Variants in NBEA observed in about 807,000 individuals in gnomAD.
NBEA encodes the protein lysosomal-trafficking regulator 2.
A neutral mutation model predicts 343.4 loss-of-function variants in NBEA; 44 were observed. The ratio of observed to expected loss-of-function variants is 0.13; its 90% confidence interval spans 0.10 to 0.16. NBEA has a LOEUF of 0.16. Ranked by LOEUF, NBEA falls within the 10% of genes least tolerant of loss-of-function variation. The probability of loss-of-function intolerance (pLI) is 1.00; values close to 1 mark genes in which losing one functional copy is unlikely to be tolerated. For synonymous variants in NBEA, 1,175 were observed against 1,238.7 expected (o/e 0.95, Z 1.08); for missense variants, 2,555 against 3,631.3 (o/e 0.70, Z 7.62).
chr13:35,257,641 TG>T (rs1465809875), intron 34 of NBEA, among the ~76,000 whole-genome samples: 1 of 151,852 alleles, frequency 6.6e-6, no homozygotes, highest in Non-Finnish European at 1.5e-5. Flanking sequence ...AATAATCTAA[TG>T]AAAAAAATAT....
At chr13:35,352,086 T>G (rs927754156) in intron 37 of NBEA, 71 bp from the exon 38 acceptor site, 17 of 951,920 alleles carry the variant, frequency 1.8e-5, no homozygotes, top group Non-Finnish European at 2.4e-5. Flanking sequence ...CCGTTTAACT[T>G]AAATGTATAT....
intron 51 of NBEA, among the ~76,000 whole-genome samples, chr13:35,648,647 C>G (rs555230245): frequency 3.9e-5 from 6 of 152,208 alleles, no homozygotes; most frequent in African/African-American, 1.4e-4. Context: ...TACTGCAAAC[C>G]ATTAAGAAAC....
chr13:35,120,853 G>A (rs2066756509), intron 16 of NBEA, among the ~76,000 whole-genome samples: 1 of 152,272 alleles, frequency 6.6e-6, no homozygotes, highest in South Asian at 2.1e-4. Flanking sequence ...TAGTAATAAT[G>A]TATATTACAA....
At chr13:35,310,484 G>A (rs988921692) in intron 36 of NBEA, among the ~76,000 whole-genome samples, 1 of 152,088 alleles carries the variant, frequency 6.6e-6, no homozygotes, top group African/African-American at 2.4e-5. Context: ...CACGCTTTGC[G>A]GGCATGGCTG....
chr13:35,638,986 A>G (rs895742372), intron 49 of NBEA, among the ~76,000 whole-genome samples: 3 of 152,222 alleles, frequency 2.0e-5, no homozygotes, highest in African/African-American at 7.2e-5. Context: ...AAAGAAACCA[A>G]GAATTAAGGC....
intron 11 of NBEA, among the ~76,000 whole-genome samples, chr13:35,105,090 C>T (rs1424741625): frequency 1.3e-5 from 2 of 151,866 alleles, no homozygotes; most frequent in Non-Finnish European, 2.9e-5. Context: ...TTTAGCATAA[C>T]CCAAAGAGAA....
At chr13:35,066,593 A>G (rs913989349) in intron 8 of NBEA, among the ~76,000 whole-genome samples, 1 of 151,860 alleles carries the variant, frequency 6.6e-6, no homozygotes, top group African/African-American at 2.4e-5. Context: ...ATTTTGTCCG[A>G]TATTAGCACA....
In NBEA at chr13:35,637,181, G is replaced by A. The variant is rs117573475; in HGVS notation, c.7618-8688G>A. ...AAGACTCCAAAGAAGACATACACAT[G>A]ACCAACAAGTATGTGCCAGCATCAT... is the stretch of plus-strand genomic sequence containing the variant. On this transcript the variant is annotated intron_variant, in intron 49 of 58. Coordinates refer to ENST00000379939, the MANE Select transcript of NBEA (RefSeq NM_001385012.1). Among the ~76,000 whole-genome samples, 8 of 152,246 alleles carry A rather than the reference G, an allele frequency of 5.3e-5. No individual in the cohort carries two copies. The East Asian group carries it at 1.4e-3, about 26-fold the overall frequency.
intron 54 of NBEA, among the ~76,000 whole-genome samples, 165 bp downstream of exon 54, chr13:35,655,175 CT>C (rs1487023298): frequency 6.6e-6 from 1 of 152,170 alleles, no homozygotes; most frequent in Non-Finnish European, 1.5e-5. Context: ...CTAACTATAA[CT>C]TCATGTATTC....
intron 23 of NBEA, among the ~76,000 whole-genome samples, chr13:35,163,938 T>C (rs1198686828): frequency 6.6e-6 from 1 of 152,110 alleles, no homozygotes; most frequent in Non-Finnish European, 1.5e-5. Context: ...ATTTTATTTA[T>C]GGTTATGAAA....
rs75824795 is a variant in NBEA, at chr13:35,365,031, A to G, written c.6179+12708A>G. ...TAAAAGCACTTAGTGATGTAGATCA[A>G]TAATGATTGGATGGGTCAGCACCAA... On this transcript the variant is annotated intron_variant, in intron 38 of 58. Transcript: ENST00000379939. Among the ~76,000 whole-genome samples, 188 of 151,884 alleles carry G rather than the reference A, an allele frequency of 1.2e-3. 3 individuals carry two copies. The East Asian group carries it at 0.03, about 24-fold the overall frequency.
intron 34 of NBEA, among the ~76,000 whole-genome samples, chr13:35,245,839 G>A (rs913534293): frequency 3.3e-5 from 5 of 152,076 alleles, no homozygotes; most frequent in South Asian, 4.1e-4. Flanking sequence ...GATCTGTACC[G>A]AAGCTGGAGA....
chr13:35,161,787 A>T lies in NBEA; in HGVS notation c.3899A>T (p.Asp1300Val). The change falls in exon 23 of 59, where the codon GAT (aspartate) becomes GTT (valine). Residue 1300 changes from aspartate (D) to valine (V), a missense_variant. This residue lies in a region of NBEA where 367 missense variants were observed against 377.5 expected (regional missense o/e 0.97). Coordinates refer to ENST00000379939, the MANE Select transcript of NBEA (RefSeq NM_001385012.1). The stretch of plus-strand genomic sequence containing the variant: ...CGGTCTATCACCCAACAAGACCGAG[A>T]TCTCCGAGTTGATTTAGGATTTCGA... ...QGRSITQQDRDLRVDLGFRGM... is the reference protein window; with the variant it reads ...QGRSITQQDRVLRVDLGFRGM... 1 of 1,612,300 alleles carries T rather than the reference A, an allele frequency of 6.2e-7. No individual in the cohort carries two copies. Among genetic ancestry groups the T allele is most frequent in the Non-Finnish European group, 8.5e-7 (1 of 1,179,284 alleles).
At chr13:35,280,781 T>G (rs2152811028) in intron 34 of NBEA, among the ~76,000 whole-genome samples, 1 of 152,228 alleles carries the variant, frequency 6.6e-6, no homozygotes, top group South Asian at 2.1e-4. Context: ...ACAGATTTTT[T>G]TTTTTGCCAT....
intron 44 of NBEA, among the ~76,000 whole-genome samples, chr13:35,557,237 C>A (rs1387201566): frequency 6.6e-6 from 1 of 152,082 alleles, no homozygotes; most frequent in African/African-American, 2.4e-5. Context: ...AGTCTCCATC[C>A]CTTCCCACTG....
chr13:35,358,131 C>T (rs1360759900), intron 38 of NBEA, among the ~76,000 whole-genome samples: 1 of 152,022 alleles, frequency 6.6e-6, no homozygotes, highest in Non-Finnish European at 1.5e-5. Context: ...AAGTAATTCT[C>T]TTGCCTCAGC....
At chr13:35,202,070 A>G (rs2073060181) in intron 31 of NBEA, among the ~76,000 whole-genome samples, 1 of 152,140 alleles carries the variant, frequency 6.6e-6, no homozygotes, top group Non-Finnish European at 1.5e-5. Flanking sequence ...AGAAGTATCT[A>G]AAGCAATTCC....
At chr13:35,494,084 T>G (rs1342986117) in intron 41 of NBEA, among the ~76,000 whole-genome samples, 1 of 151,892 alleles carries the variant, frequency 6.6e-6, no homozygotes, top group African/African-American at 2.4e-5. Context: ...TTATAAAGGG[T>G]ATAATGAATA....
intron 34 of NBEA, among the ~76,000 whole-genome samples, chr13:35,282,759 G>C (rs2035140957): frequency 6.6e-6 from 1 of 152,062 alleles, no homozygotes; most frequent in Non-Finnish European, 1.5e-5. Flanking sequence ...TAGAGTCATA[G>C]TACTTTATTG....
Sources: gnomAD v4.1 joint callset for allele counts (sites outside exome capture counted in the v4.1 genomes callset) on GRCh38, gnomAD v4.1.1 for gene constraint, gnomAD v4.1.1 regional missense constraint, MANE v1.5 for transcripts, NCBI Gene and HGNC (gene_info 2026-07-23, HGNC 2026-07-21) for gene names.